MAP3K13: variants seen among roughly 807,000 people sequenced by gnomAD.
MAP3K13 encodes the protein mitogen-activated protein kinase kinase kinase 13.
A neutral mutation model predicts 104.0 loss-of-function variants in MAP3K13; 52 were observed. The observed-to-expected ratio is 0.50, with a 90% CI of 0.40 to 0.63. MAP3K13 has a LOEUF of 0.63. Among genes scored for constraint, MAP3K13 ranks in the 20% least tolerant of loss-of-function variants. The pLI is 0.00. For missense variants in MAP3K13, 914 were observed against 1,218.5 expected (o/e 0.75, Z 3.72); for synonymous variants, 394 against 442.2 (o/e 0.89, Z 1.37).
rs1416783303 is a variant in MAP3K13 at position 185,487,196 on chromosome 3, C to T, written c.*4740C>T. ...GGGGGGGGGTGAGGGCGCAGGATCT[C>T]ACTCTGTCACCAGGTTGGAGTACAG... is the stretch of plus-strand genomic sequence containing the variant. On this transcript the variant is annotated 3_prime_UTR_variant, in exon 14 of 14. Coordinates refer to ENST00000265026, the MANE Select transcript of MAP3K13 (RefSeq NM_004721.5). The T allele has an allele frequency of 6.6e-6, 1 of 151,874 alleles. No individual in the cohort carries two copies. Among genetic ancestry groups the T allele is most frequent in the Non-Finnish European group, 1.5e-5 (1 of 68,082 alleles). 9.4% of individuals were successfully genotyped at this position (151,874 alleles called of 1,614,324 possible). A position where few individuals can be genotyped will look rare whatever the true frequency, so the allele number is the denominator to read the frequency against.
At position 185,482,237 on chromosome 3, in the gene MAP3K13, G is replaced by A; in HGVS notation, c.2800-118G>A. 2.8e-6 allele frequency: 2 copies of A among 713,982 alleles called. No homozygotes were observed. The highest frequency in any genetic ancestry group is 5.0e-6 in the Non-Finnish European group (2 of 396,682). 44.2% of individuals were successfully genotyped at this position (713,982 alleles called of 1,614,324 possible). ...ATAAGTCCCACAAGGACAGGACCTG[G>A]TCTCGTTTACCTTTGTAGCCCCCTT... On this transcript the variant is annotated intron_variant, in intron 13 of 13. Transcript: ENST00000265026. This position sits in a 1 kb window ranked among gnomAD's most constrained non-coding sequence, Gnocchi z 4.5.
At chr3:185,283,898 C>CTTTTTTTTTTT (rs1201384582) in intron 1 of MAP3K13, among the ~76,000 whole-genome samples, 12 of 127,376 alleles carry the variant, frequency 9.4e-5, no homozygotes, top group South Asian at 2.5e-4. Flanking sequence ...TTCTTTCTTT[C>CTTTTTTTTTTT]TTTTTTTTTT....
At chr3:185,393,519 C>A (rs531732872) in intron 1 of MAP3K13, among the ~76,000 whole-genome samples, 1 of 149,260 alleles carries the variant, frequency 6.7e-6, no homozygotes, top group Admixed American at 6.7e-5. Flanking sequence ...AGTGCAGTGG[C>A]GTGATCTCAG....
At chr3:185,379,236 G>A (rs11707649) in intron 1 of MAP3K13, among the ~76,000 whole-genome samples, 15,223 of 152,204 alleles carry the variant, frequency 0.1, 929 homozygotes, top group South Asian at 0.19. Flanking sequence ...AGGCATCCCC[G>A]CAGTGATTAA....
chr3:185,360,001 A>C (rs1221491444), upstream of MAP3K13, among the ~76,000 whole-genome samples: 1 of 151,654 alleles, frequency 6.6e-6, no homozygotes, highest in Non-Finnish European at 1.5e-5. Flanking sequence ...ATTGTACCTT[A>C]ATTTCTATAT....
chr3:185,285,605 T>C lies in MAP3K13; in HGVS notation c.-124T>C, dbSNP rs182244022. ...ATTAATGGACAAAAACATGAGTCAA[T>C]ATGTATTGTGGCATTCAAATCCTAG... On this transcript the variant is annotated 5_prime_UTR_variant, in exon 2 of 15. Coordinates refer to the MAP3K13 transcript ENST00000424227. The C allele has an allele frequency of 3.9e-6, 6 of 1,534,062 alleles. No homozygotes were observed. The East Asian group carries it at 7.4e-5, about 19-fold the overall frequency.
intron 2 of MAP3K13, among the ~76,000 whole-genome samples, chr3:185,342,374 GTCTTATCTATGCCACAGGC>G (rs1162802381): frequency 6.6e-6 from 1 of 152,170 alleles, no homozygotes; most frequent in Non-Finnish European, 1.5e-5. Flanking sequence ...TGCTCTGTCT[GTCTTATCTATGCCACAGGC>G]TTTTGCTATT....
chr3:185,395,525 A>AT (rs1712351828), intron 1 of MAP3K13, among the ~76,000 whole-genome samples: 2 of 123,700 alleles, frequency 1.6e-5, no homozygotes, highest in African/African-American at 6.1e-5. Context: ...CGCCCGGCTA[A>AT]TTTTTTGTAT....
At chr3:185,397,844 C>T (rs1202558251) in intron 1 of MAP3K13, among the ~76,000 whole-genome samples, 3 of 152,104 alleles carry the variant, frequency 2.0e-5, no homozygotes, top group African/African-American at 4.8e-5. Context: ...CGTTGGTTCC[C>T]GGCCTGTCAG....
intron 12 of MAP3K13, among the ~76,000 whole-genome samples, chr3:185,479,491 C>A (rs1052838775): frequency 2.0e-5 from 3 of 152,156 alleles, no homozygotes; most frequent in Non-Finnish European, 4.4e-5. Flanking sequence ...ATCTATGACT[C>A]TCTAAATAAG....
rs565549684 is a variant in MAP3K13, at chr3:185,482,545, T to A, written c.*89T>A. 2.4e-4 allele frequency: 239 copies of A among 981,012 alleles called. 4 individuals carry two copies. In the East Asian group the frequency reaches 4.9e-3, roughly 20 times the overall value. 60.8% of individuals were successfully genotyped at this position (981,012 alleles called of 1,614,324 possible). On this transcript the variant is annotated 3_prime_UTR_variant, in exon 14 of 14. Transcript: ENST00000265026. This position sits in a 1 kb window ranked among gnomAD's most constrained non-coding sequence, Gnocchi z 4.5. ...AGACTCATCCCACTCTCTCCCAGCA[T>A]TTTGTCTGGGAAGAGAGACTACCCC...
intron 1 of MAP3K13, among the ~76,000 whole-genome samples, chr3:185,390,240 C>T (rs1711962280): frequency 6.6e-6 from 1 of 152,112 alleles, no homozygotes; most frequent in South Asian, 2.1e-4. Context: ...AGACACTGTT[C>T]ACAGTGCTTT....
chr3:185,401,505 C>G (rs547685691), intron 1 of MAP3K13, among the ~76,000 whole-genome samples: 1 of 152,136 alleles, frequency 6.6e-6, no homozygotes. Flanking sequence ...CATGGATCAG[C>G]CCTCTGTCCA....
chr3:185,348,099 G>A (rs1468567439), intron 2 of MAP3K13, among the ~76,000 whole-genome samples: 1 of 151,912 alleles, frequency 6.6e-6, no homozygotes, highest in East Asian at 1.9e-4. Flanking sequence ...CAACTAAGCA[G>A]TGAGCTCCAA....
chr3:185,438,856 A>G (rs1715181091), intron 3 of MAP3K13, among the ~76,000 whole-genome samples: 1 of 152,188 alleles, frequency 6.6e-6, no homozygotes, highest in Non-Finnish European at 1.5e-5. Context: ...AAGTTTAGAA[A>G]CTGGAGCTTT....
At chr3:185,477,159 A>G (rs1477325197) in intron 11 of MAP3K13, 167 bp from the exon 12 acceptor site, 3 of 698,600 alleles carry the variant, frequency 4.3e-6, no homozygotes, top group Non-Finnish European at 7.9e-6. Flanking sequence ...TGGAAAAGTT[A>G]CTAAATGAAT....
At chr3:185,401,466 C>T (rs947694582) in intron 1 of MAP3K13, among the ~76,000 whole-genome samples, 2 of 152,154 alleles carry the variant, frequency 1.3e-5, no homozygotes, top group Non-Finnish European at 2.9e-5. Context: ...GATGGCTGCA[C>T]TGATAGATGG....
intron 3 of MAP3K13, 81 bp downstream of exon 3, chr3:185,437,711 G>C (rs1372370581): frequency 2.7e-5 from 36 of 1,357,154 alleles, no homozygotes; most frequent in Non-Finnish European, 3.4e-5. Flanking sequence ...TGCTTTGAGA[G>C]ATATTTCAAA....
intron 1 of MAP3K13, among the ~76,000 whole-genome samples, chr3:185,426,074 T>C (rs150131686): frequency 3.0e-5 from 4 of 132,842 alleles, no homozygotes; most frequent in South Asian, 2.8e-4. Flanking sequence ...TCCCTCTCCC[T>C]CTTCTCCTTC....
Sources: allele counts gnomAD v4.1 joint callset (sites outside exome capture counted in the v4.1 genomes callset), GRCh38; gene constraint gnomAD v4.1.1; non-coding constraint Gnocchi (gnomAD v3.1); transcripts MANE v1.5; gene names NCBI Gene and HGNC (gene_info 2026-07-23, HGNC 2026-07-21).